The following MFF variants were observed in gnomAD, a reference collection of about 807,000 sequenced individuals.
MFF encodes chromosome 2 open reading frame 33.
Under a neutral mutation model 36.9 loss-of-function variants are expected in MFF, and 12 were observed. The ratio of observed to expected loss-of-function variants is 0.33; its 90% CI spans 0.21 to 0.53. The LOEUF (loss-of-function observed/expected upper bound fraction) is 0.53, where lower values mean the gene tolerates loss of function less well. MFF is among the 20% of genes least tolerant of loss of function. The pLI, the probability that MFF is intolerant of heterozygous loss-of-function variation, is 0.95. For missense variants in MFF, 348 were observed against 366.6 expected (o/e 0.95, Z 0.42); for synonymous variants, 99 against 126.2 (o/e 0.78, Z 1.44).
chr2:227,342,646 A>C, intron 5 of MFF: 2 of 906,896 alleles, frequency 2.2e-6, no homozygotes, highest in Non-Finnish European at 3.5e-6. Flanking sequence ...GTGGTCAGCT[A>C]TTAGCGCAAA....
chr2:227,351,077 T>G lies in MFF; in HGVS notation c.600-1437T>G, dbSNP rs571151941. 2.6e-5 allele frequency among the ~76,000 whole-genome samples: 4 copies of G among 152,304 alleles called. No homozygotes were observed. In the South Asian group the frequency reaches 8.3e-4, roughly 32 times the overall value. On this transcript the variant is annotated intron_variant, in intron 6 of 8. Transcript: ENST00000304593. ...CATACTGTGTGCATTTTAAAAAGCT[T>G]TAGGAAGCACACAGTGATGGCTTCA... is the stretch of plus-strand genomic sequence containing the variant.
At chr2:227,331,651 C>T (rs1300834102) in intron 3 of MFF, among the ~76,000 whole-genome samples, 2 of 152,172 alleles carry the variant, frequency 1.3e-5, no homozygotes, top group African/African-American at 2.4e-5. Flanking sequence ...ACATCCTTGC[C>T]AACATTTTGT....
Position 227,331,974 on chromosome 2 carries a change from T to A in MFF, c.182-445T>A, listed in dbSNP as rs1044862484. ...CGCTGGAAGCATTTTTTTTTTTTTT[T>A]TTTTTTTTTTTTTTTGAGACGGAGT... On this transcript the variant is annotated intron_variant, in intron 3 of 8. Coordinates refer to ENST00000304593, the MANE Select transcript of MFF (RefSeq NM_001277062.2). 6.0e-3 allele frequency among the ~76,000 whole-genome samples: 788 copies of A among 131,208 alleles called. 11 individuals are homozygous for A. The highest frequency in any genetic ancestry group is 0.025 in the Middle Eastern group (7 of 282). 86.1% of individuals were successfully genotyped at this position (131,208 alleles called of 152,430 possible).
At chr2:227,335,286 G>A (rs1245597407) in intron 4 of MFF, among the ~76,000 whole-genome samples, 3 of 151,948 alleles carry the variant, frequency 2.0e-5, no homozygotes, top group African/African-American at 7.3e-5. Context: ...CTACTTACAT[G>A]AAATATCCAG....
intron 4 of MFF, among the ~76,000 whole-genome samples, chr2:227,333,230 A>G (rs11680920): frequency 0.084 from 12,833 of 152,276 alleles, 568 homozygotes; most frequent in Admixed American, 0.11. Context: ...ATGTGCAAAC[A>G]TATGTTTTTA....
At chr2:227,330,978 T>G in intron 3 of MFF, 132 bp downstream of exon 3, 3 of 685,582 alleles carry the variant, frequency 4.4e-6, no homozygotes, top group Non-Finnish European at 7.5e-6. Flanking sequence ...TTGAAATTTC[T>G]ATTCATTATT....
intron 4 of MFF, among the ~76,000 whole-genome samples, chr2:227,334,620 G>T (rs1210102291): frequency 6.6e-6 from 1 of 152,150 alleles, no homozygotes; most frequent in East Asian, 1.9e-4. Context: ...TAGAGCAATA[G>T]TGCTCTACCT....
intron 6 of MFF, among the ~76,000 whole-genome samples, chr2:227,350,116 C>T (rs559048607): frequency 1.2e-4 from 19 of 152,010 alleles, no homozygotes; most frequent in Non-Finnish European, 7.4e-5. Flanking sequence ...CCAAACTCAA[C>T]GTGAAAACCA....
At chr2:227,332,027 A>C (rs938783671) in intron 3 of MFF, among the ~76,000 whole-genome samples, 7 of 117,376 alleles carry the variant, frequency 6.0e-5, no homozygotes, top group African/African-American at 2.0e-4. Context: ...GCTGGAGTGC[A>C]GTGGCGGGAT....
At chr2:227,341,877 A>G (rs2075411827) in intron 5 of MFF, among the ~76,000 whole-genome samples, 1 of 152,142 alleles carries the variant, frequency 6.6e-6, no homozygotes, top group South Asian at 2.1e-4. Context: ...TTATTGTAAT[A>G]TAGCACCACT....
chr2:227,354,758 T>G (rs1435638481), intron 7 of MFF, among the ~76,000 whole-genome samples: 3 of 152,212 alleles, frequency 2.0e-5, no homozygotes, highest in Admixed American at 2.0e-4. Context: ...CACAGCATTT[T>G]ATTCATTATT....
At chr2:227,339,369 A>G (rs1391932349) in intron 4 of MFF, among the ~76,000 whole-genome samples, 1 of 152,206 alleles carries the variant, frequency 6.6e-6, no homozygotes, top group Non-Finnish European at 1.5e-5. Flanking sequence ...GTTGCCGTGA[A>G]GGGAAAAGCT....
rs370554467 is a variant in MFF at position 227,352,632 on chromosome 2, A to G, written c.659+59A>G. 2.1e-5 allele frequency: 28 copies of G among 1,359,416 alleles called. No individual in the cohort carries two copies. In the African/African-American group the frequency reaches 3.2e-4, roughly 16 times the overall value. The allele number at this position is 1,359,416 out of a possible 1,614,324, so 84.2% of individuals were successfully genotyped here. A position where few individuals can be genotyped will look rare whatever the true frequency, so the allele number is the denominator to read the frequency against. On this transcript the variant is annotated intron_variant, in intron 7 of 8. Coordinates refer to ENST00000304593, the MANE Select transcript of MFF (RefSeq NM_001277062.2). The stretch of plus-strand genomic sequence containing the variant: ...ATGCTTGGCGGAATTTGTGTGTTGC[A>G]GGGCATGTTGCATGTCGTAGCCATG...
At chr2:227,332,713 A>G (rs2074691968) in intron 4 of MFF, 125 bp downstream of exon 4, 1 of 604,702 alleles carries the variant, frequency 1.7e-6, no homozygotes, top group Non-Finnish European at 2.8e-6. Flanking sequence ...GAACATTACT[A>G]ATAATTCTAA....
intron 7 of MFF, 41 bp downstream of exon 7, chr2:227,352,614 G>A: frequency 1.4e-6 from 2 of 1,467,542 alleles, no homozygotes; most frequent in Non-Finnish European, 1.8e-6. Flanking sequence ...TAAATGCTTG[G>A]CGGAATTTGT....
In MFF at chr2:227,331,959, ATTTTTTTTTT is replaced by A. The variant is rs10549336; in HGVS notation, c.182-439_182-430del. Among the ~76,000 whole-genome samples, 7 of 76,836 alleles carry A rather than the reference ATTTTTTTTTT, an allele frequency of 9.1e-5. No homozygotes were observed. In the South Asian group the frequency reaches 2.0e-3, roughly 22 times the overall value. 50.4% of individuals were successfully genotyped at this position (76,836 alleles called of 152,430 possible). On this transcript the variant is annotated intron_variant, in intron 3 of 8. Transcript: ENST00000304593. ...AGTGAAATGTCAATACGCTGGAAGC[ATTTTTTTTTT>A]TTTTTTTTTTTTTTTTTTTTGAGAC...
intron 1 of MFF, among the ~76,000 whole-genome samples, chr2:227,327,242 G>A (rs1026379505): frequency 6.6e-6 from 1 of 152,078 alleles, no homozygotes; most frequent in East Asian, 1.9e-4. Flanking sequence ...GGCTTAGAAA[G>A]TAGAAATATG....
At chr2:227,337,444 A>T (rs565252962) in intron 4 of MFF, among the ~76,000 whole-genome samples, 19 of 152,370 alleles carry the variant, frequency 1.2e-4, no homozygotes, top group Non-Finnish European at 2.4e-4. Context: ...GAAGGCTCTG[A>T]GTAGATTCCT....
chr2:227,340,401 T>C (rs764052754), intron 5 of MFF, 21 bp downstream of exon 5: 6 of 1,423,904 alleles, frequency 4.2e-6, no homozygotes, highest in Non-Finnish European at 5.7e-6. Context: ...GCACTAGCAT[T>C]TTATCTCGTT....
Sources: gnomAD v4.1 joint callset for allele counts (sites outside exome capture counted in the v4.1 genomes callset) on GRCh38, gnomAD v4.1.1 for gene constraint, MANE v1.5 for transcripts, NCBI Gene and HGNC (gene_info 2026-07-23, HGNC 2026-07-21) for gene names.